Variants in RBFOX1 observed in about 807,000 individuals in gnomAD.
The protein encoded by RBFOX1 is RNA binding protein fox-1 homolog 1.
A neutral mutation model predicts 57.7 loss-of-function variants in RBFOX1; 8 were observed. That is an observed-to-expected ratio of 0.14 (90% CI 0.08 to 0.25). The LOEUF is 0.25. Ranked by LOEUF, RBFOX1 falls within the 10% of genes least tolerant of loss-of-function variation. The pLI is 1.00. For missense variants in RBFOX1, 611 were observed against 548.5 expected (o/e 1.11, Z -1.14); for synonymous variants, 326 against 222.4 (o/e 1.47, Z -4.15).
intron 3 of RBFOX1, among the ~76,000 whole-genome samples, chr16:5,612,368 C>A (rs1475326359): frequency 6.6e-6 from 1 of 152,144 alleles, no homozygotes; most frequent in African/African-American, 2.4e-5. Flanking sequence ...ATTGGGAAGC[C>A]ACCATGTGCC....
intron 4 of RBFOX1, among the ~76,000 whole-genome samples, chr16:7,268,392 C>T (rs769045063): frequency 4.1e-4 from 63 of 152,194 alleles, no homozygotes; most frequent in Non-Finnish European, 6.8e-4. Context: ...CGCTCTCACT[C>T]TTACTGGTTT....
chr16:5,553,948 A>G (rs905389910), intron 2 of RBFOX1, among the ~76,000 whole-genome samples: 21 of 149,920 alleles, frequency 1.4e-4, no homozygotes, highest in African/African-American at 4.2e-4. Context: ...ATAATAATCA[A>G]TACTTTCTTA....
chr16:5,729,419 A>G (rs1195039158), intron 3 of RBFOX1, among the ~76,000 whole-genome samples: 2 of 82,392 alleles, frequency 2.4e-5, no homozygotes, highest in Admixed American at 1.5e-4. Context: ...TTTTTTTGCC[A>G]GCCAAGGAAT....
At chr16:5,700,268 C>G (rs1303837856) in intron 3 of RBFOX1, among the ~76,000 whole-genome samples, 4 of 150,960 alleles carry the variant, frequency 2.6e-5, no homozygotes, top group African/African-American at 9.7e-5. Context: ...TATTCATTAT[C>G]TTTATTCAAA....
intron 3 of RBFOX1, among the ~76,000 whole-genome samples, chr16:6,917,109 C>G (rs1054031402): frequency 6.6e-6 from 1 of 152,178 alleles, no homozygotes; most frequent in African/African-American, 2.4e-5. Flanking sequence ...CCTTGGCCTC[C>G]CAGAGTGCTG....
intron 3 of RBFOX1, among the ~76,000 whole-genome samples, chr16:7,048,024 G>A (rs965497189): frequency 6.6e-6 from 1 of 151,504 alleles, no homozygotes; most frequent in Non-Finnish European, 1.5e-5. Context: ...GAATAAAGGT[G>A]CCTGCCACAA....
chr16:7,453,763 A>G (rs2150294477), intron 4 of RBFOX1, among the ~76,000 whole-genome samples: 1 of 152,302 alleles, frequency 6.6e-6, no homozygotes, highest in East Asian at 1.9e-4. Context: ...CATAGAAACC[A>G]CTGACTGAAG....
At chr16:7,499,043 G>T (rs184961240) in intron 4 of RBFOX1, among the ~76,000 whole-genome samples, 2 of 152,132 alleles carry the variant, frequency 1.3e-5, no homozygotes, top group Non-Finnish European at 2.9e-5. Context: ...TGACTAGCAC[G>T]TAATAGATGT....
intron 4 of RBFOX1, chr16:7,328,628 T>C (rs1365415385): frequency 7.3e-6 from 1 of 136,090 alleles, no homozygotes; most frequent in African/African-American, 2.7e-5. Context: ...GATGGAAGAA[T>C]TTTTTTTTTT....
intron 4 of RBFOX1, among the ~76,000 whole-genome samples, chr16:7,066,463 A>C (rs990571602): frequency 6.6e-6 from 1 of 152,204 alleles, no homozygotes; most frequent in Non-Finnish European, 1.5e-5. Flanking sequence ...TGTAGGATCC[A>C]ACTATGACAG....
At position 6,999,205 on chromosome 16, in the gene RBFOX1, TATTTTTA is replaced by T. The variant is rs1438638617; in HGVS notation, c.-15-52851_-15-52845del. Among the ~76,000 whole-genome samples the T allele has an allele frequency of 6.8e-4, 63 of 92,998 alleles. 1 individual carries two copies. Among genetic ancestry groups the T allele is most frequent in the African/African-American group, 2.1e-3 (47 of 22,770 alleles). 61.0% of individuals were successfully genotyped at this position (92,998 alleles called of 152,430 possible). ...TTTTATTTTATTTTATTTTATTTTT[TATTTTTA>T]TTTATTTTTTTTATTTATTTTTTTT... On this transcript the variant is annotated intron_variant, in intron 3 of 15. Coordinates refer to ENST00000550418, the MANE Select transcript of RBFOX1 (RefSeq NM_018723.4).
At chr16:7,698,199 TGTGTGTGTGTG>T (rs1171709324) in intron 14 of RBFOX1, among the ~76,000 whole-genome samples, 1 of 145,250 alleles carries the variant, frequency 6.9e-6, no homozygotes, top group Non-Finnish European at 1.5e-5. Context: ...TGTGTGTGTG[TGTGTGTGTGTG>T]TGTGTATAAA....
rs575066722 is a variant in RBFOX1, at chr16:7,462,164, A to T, written c.28-55983A>T. On this transcript the variant is annotated intron_variant, in intron 4 of 15. Coordinates refer to ENST00000550418, the MANE Select transcript of RBFOX1 (RefSeq NM_018723.4). The stretch of plus-strand genomic sequence containing the variant: ...TGGAGGGCTCCTGCCCAGCCTTCGG[A>T]GGGAAACAGCGGGTCACAAAGAGAG... Among the ~76,000 whole-genome samples the T allele has an allele frequency of 1.5e-3, 236 of 152,302 alleles. 3 individuals are homozygous for T. The highest frequency in any genetic ancestry group is 5.5e-3 in the African/African-American group (227 of 41,558).
rs999478577 is a variant in RBFOX1, at chr16:5,507,990, C to A, written c.258+40736C>A. ...TGTTATGGCAGCCCTGGGAAGCTCA[C>A]ATGGCATTGACCCATGAGCAAGGTG... On this transcript the variant is annotated intron_variant, in intron 2 of 2. Coordinates refer to the RBFOX1 transcript ENST00000585867. Among the ~76,000 whole-genome samples, 4 of 152,298 alleles carry A rather than the reference C, an allele frequency of 2.6e-5. 1 individual carries two copies. The South Asian group carries it at 8.3e-4, about 32-fold the overall frequency.
At chr16:6,556,337 T>A (rs1039989865) in intron 2 of RBFOX1, among the ~76,000 whole-genome samples, 6 of 152,214 alleles carry the variant, frequency 3.9e-5, no homozygotes, top group African/African-American at 1.4e-4. Context: ...ACTATCTCTT[T>A]GGAATTACCA....
chr16:7,579,641 C>A, intron 5 of RBFOX1, 136 bp from the exon 6 acceptor site: 1 of 1,018,244 alleles, frequency 9.8e-7, no homozygotes, highest in Non-Finnish European at 1.5e-6. Flanking sequence ...TGCATGCATG[C>A]ATGCGTCAGC....
chr16:5,522,757 G>A (rs1044317004), intron 2 of RBFOX1, among the ~76,000 whole-genome samples: 4 of 152,144 alleles, frequency 2.6e-5, no homozygotes, highest in African/African-American at 9.7e-5. Flanking sequence ...GAGATGAGTT[G>A]CTGTAGCTTT....
intron 4 of RBFOX1, among the ~76,000 whole-genome samples, chr16:7,254,405 C>G (rs147673245): frequency 6.6e-6 from 1 of 152,110 alleles, no homozygotes; most frequent in Admixed American, 6.5e-5. Context: ...ATTATCCAAG[C>G]TGGAATCTCC....
intron 3 of RBFOX1, among the ~76,000 whole-genome samples, chr16:6,888,841 T>C (rs2064757176): frequency 6.6e-6 from 1 of 152,200 alleles, no homozygotes; most frequent in Non-Finnish European, 1.5e-5. Flanking sequence ...ACTATATTTT[T>C]ATGTCCTTTA....
Sources: allele counts gnomAD v4.1 joint callset (sites outside exome capture counted in the v4.1 genomes callset), GRCh38; gene constraint gnomAD v4.1.1; transcripts MANE v1.5; gene names NCBI Gene and HGNC (gene_info 2026-07-23, HGNC 2026-07-21).